Variants in FBLN7 observed in about 807,000 individuals in gnomAD.
FBLN7 encodes the protein fibulin 7.
Under a neutral mutation model 44.0 loss-of-function variants are expected in FBLN7, and 31 were observed. The ratio of observed to expected loss-of-function variants is 0.70; its 90% CI spans 0.53 to 0.95. FBLN7 has a LOEUF of 0.95. Among genes scored for constraint, FBLN7 ranks in the 40% least tolerant of loss-of-function variants. The probability of loss-of-function intolerance (pLI) is 0.00; values close to 1 mark genes in which losing one functional copy is unlikely to be tolerated. For missense variants in FBLN7, 573 were observed against 618.5 expected, an observed-to-expected ratio of 0.93 and a Z score of 0.78; for synonymous variants, 262 against 253.4, an observed-to-expected ratio of 1.03 and a Z score of -0.32.
chr2:112,237,792 C>T, the FBLN7 span, among the ~76,000 whole-genome samples: 12 of 152,128 alleles, frequency 7.9e-5, no homozygotes, highest in East Asian at 2.3e-3. Context: ...GTCTCGAACT[C>T]CTGACCTCAA....
chr2:112,155,987 G>A (rs1270810354), intron 1 of FBLN7, among the ~76,000 whole-genome samples: 1 of 152,208 alleles, frequency 6.6e-6, no homozygotes, highest in Admixed American at 6.5e-5. Flanking sequence ...CGGGGCAGCT[G>A]CGGCTCCGCG....
chr2:112,242,497 G>A, the FBLN7 span, among the ~76,000 whole-genome samples: 2 of 152,140 alleles, frequency 1.3e-5, no homozygotes, highest in Admixed American at 6.5e-5. Context: ...AACATTTTGA[G>A]TGCTTCATTG....
Position 112,138,516 on chromosome 2 carries a change from G to T in FBLN7, c.-140G>T, listed in dbSNP as rs1680456972. ...GGACGCGCTGCGCTCGGGGCCTCCC[G>T]CCTCCCCCCCTGCCCCAGCCGCCCC... On this transcript the variant is annotated 5_prime_UTR_variant, in exon 1 of 8. Coordinates refer to ENST00000331203, the MANE Select transcript of FBLN7 (RefSeq NM_153214.3). The T allele has an allele frequency of 8.6e-7, 1 of 1,160,158 alleles. No homozygotes were observed. Among genetic ancestry groups the T allele is most frequent in the Non-Finnish European group, 1.2e-6 (1 of 865,160 alleles). 71.9% of individuals were successfully genotyped at this position (1,160,158 alleles called of 1,614,324 possible). A position where few individuals can be genotyped will look rare whatever the true frequency, so the allele number is the denominator to read the frequency against.
chr2:112,140,551 G>A (rs1680591174), intron 1 of FBLN7, among the ~76,000 whole-genome samples: 2 of 152,324 alleles, frequency 1.3e-5, no homozygotes, highest in South Asian at 2.1e-4. Context: ...GCTGGGCTGC[G>A]AAAGCGTCGG....
chr2:112,240,666 T>C, the FBLN7 span, among the ~76,000 whole-genome samples: 1 of 152,152 alleles, frequency 6.6e-6, no homozygotes, highest in African/African-American at 2.4e-5. Context: ...GCCAGGACAA[T>C]CATCAATTTT....
intron 2 of FBLN7, among the ~76,000 whole-genome samples, chr2:112,160,447 C>G (rs1189497735): frequency 1.3e-5 from 2 of 152,224 alleles, no homozygotes; most frequent in Non-Finnish European, 2.9e-5. Flanking sequence ...CGTCTTCATA[C>G]GGACCAAACT....
intron 1 of FBLN7, 21 bp from the exon 2 acceptor site, chr2:112,159,655 G>A (rs960600419): frequency 2.0e-6 from 3 of 1,497,410 alleles, no homozygotes; most frequent in East Asian, 2.6e-5. Context: ...GGGTGGTGGC[G>A]GCGATGTCTT....
the FBLN7 span, among the ~76,000 whole-genome samples, chr2:112,217,978 G>A: frequency 6.6e-6 from 1 of 151,990 alleles, no homozygotes; most frequent in Non-Finnish European, 1.5e-5. Context: ...TGTTACCCAG[G>A]CTGGACCTGA....
In FBLN7 at chr2:112,175,745, A is replaced by G. The variant is rs1462650752; in HGVS notation, c.438A>G (p.Gln146=). The change falls in exon 4 of 8, where the codon CAA becomes CAG. Residue 146 remains glutamine, a synonymous_variant. Coordinates refer to ENST00000331203, the MANE Select transcript of FBLN7 (RefSeq NM_153214.3). ...GISECSSQPC[Q]NGGTCVEGVN... ...GTGAATGCTCCAGCCAGCCTTGTCA[A>G]AATGGTGGTACATGTGTAGAAGGAG... is the stretch of plus-strand genomic sequence containing the variant. The G allele has an allele frequency of 1.2e-6, 2 of 1,614,118 alleles. No individual in the cohort carries two copies. Among genetic ancestry groups the G allele is most frequent in the Non-Finnish European group, 1.7e-6 (2 of 1,180,048 alleles).
chr2:112,165,268 T>C, intron 3 of FBLN7, 97 bp downstream of exon 3: 1 of 1,437,418 alleles, frequency 7.0e-7, no homozygotes, highest in Non-Finnish European at 9.4e-7. Flanking sequence ...CATTTTCTGC[T>C]TGGTTCTTTA....
the FBLN7 span, among the ~76,000 whole-genome samples, chr2:112,208,392 C>T: frequency 6.6e-6 from 1 of 151,950 alleles, no homozygotes; most frequent in Non-Finnish European, 1.5e-5. Flanking sequence ...CAGAGTGAGA[C>T]TCCATCTCAA....
the FBLN7 span, among the ~76,000 whole-genome samples, chr2:112,210,351 G>T: frequency 6.6e-6 from 1 of 151,956 alleles, no homozygotes; most frequent in African/African-American, 2.4e-5. Flanking sequence ...GAAGAAGGTT[G>T]TTAAAAATAA....
the FBLN7 span, among the ~76,000 whole-genome samples, chr2:112,226,744 G>A: frequency 2.6e-5 from 4 of 151,872 alleles, no homozygotes; most frequent in Non-Finnish European, 5.9e-5. Context: ...ACGAAAGCCA[G>A]AAAAAGACAT....
chr2:112,175,652 A>G (rs974894356), intron 3 of FBLN7, 62 bp from the exon 4 acceptor site: 13 of 1,588,808 alleles, frequency 8.2e-6, no homozygotes, highest in African/African-American at 1.3e-5. Context: ...TCAGTTTTTT[A>G]TTGTATTTGT....
intron 1 of FBLN7, among the ~76,000 whole-genome samples, chr2:112,157,635 A>C (rs971165127): frequency 1.3e-5 from 2 of 152,016 alleles, no homozygotes; most frequent in Non-Finnish European, 2.9e-5. Flanking sequence ...TAGGTAATTA[A>C]TTTTTTTGAG....
At chr2:112,140,038 G>A (rs1302555870) in intron 1 of FBLN7, among the ~76,000 whole-genome samples, 1 of 95,266 alleles carries the variant, frequency 1.0e-5, no homozygotes, top group Admixed American at 1.1e-4. Context: ...CTCTCTCCAG[G>A]CCAGCGTCCC....
chr2:112,178,742 A>T (rs1275188495), intron 4 of FBLN7, among the ~76,000 whole-genome samples: 1 of 152,212 alleles, frequency 6.6e-6, no homozygotes, highest in Non-Finnish European at 1.5e-5. Flanking sequence ...ACAGAACTAA[A>T]AGCAAAACTA....
chr2:112,179,787 T>C lies in FBLN7; in HGVS notation c.533-1952T>C, dbSNP rs1682898957. Reference sequence around the variant, plus strand: ...TGGTGCTGGGATAACTGGCTAGCCATATGCAGAAGACTGAAACTGAACCAC... The same window carrying C: ...TGGTGCTGGGATAACTGGCTAGCCACATGCAGAAGACTGAAACTGAACCAC... On this transcript the variant is annotated intron_variant, in intron 4 of 7. Coordinates refer to ENST00000331203, the MANE Select transcript of FBLN7 (RefSeq NM_153214.3). Among the ~76,000 whole-genome samples the C allele has an allele frequency of 2.0e-5, 3 of 152,306 alleles. 1 individual carries two copies. The East Asian group carries it at 5.8e-4, about 29-fold the overall frequency.
At chr2:112,223,982 A>T in the FBLN7 span, among the ~76,000 whole-genome samples, 1 of 152,076 alleles carries the variant, frequency 6.6e-6, no homozygotes, top group African/African-American at 2.4e-5. Flanking sequence ...ATCTCAACTA[A>T]AAATACAAAA....
Sources: gnomAD v4.1 joint callset for allele counts (sites outside exome capture counted in the v4.1 genomes callset) on GRCh38, gnomAD v4.1.1 for gene constraint, MANE v1.5 for transcripts, NCBI Gene and HGNC (gene_info 2026-07-23, HGNC 2026-07-21) for gene names.